The following MTHFD2L variants were observed in gnomAD, a reference collection of about 807,000 sequenced individuals.
MTHFD2L encodes the protein methylenetetrahydrofolate dehydrogenase (NADP+ dependent) 2 like.
A neutral mutation model predicts 34.9 loss-of-function variants in MTHFD2L; 29 were observed. The ratio of observed to expected loss-of-function variants is 0.83; its 90% CI spans 0.62 to 1.13. The LOEUF is 1.13. MTHFD2L is among the 50% of genes most tolerant of loss of function. MTHFD2L has a pLI of 0.00. For synonymous variants in MTHFD2L, 167 were observed against 155.7 expected, an observed-to-expected ratio of 1.07 and a Z score of -0.54; for missense variants, 481 against 446.5, an observed-to-expected ratio of 1.08 and a Z score of -0.70.
At chr4:74,182,672 G>C (rs780824922) in intron 3 of MTHFD2L, 1 of 152,070 alleles carries the variant, frequency 6.6e-6, no homozygotes, top group Non-Finnish European at 1.5e-5. Flanking sequence ...GACAATTTAA[G>C]TTCTCCAAAT....
intron 6 of MTHFD2L, among the ~76,000 whole-genome samples, chr4:74,243,560 CTT>C (rs796434455): frequency 4.7e-5 from 7 of 147,686 alleles, no homozygotes; most frequent in African/African-American, 9.9e-5. Context: ...TTTTAATAAA[CTT>C]TTTTTTTTTA....
At chr4:74,156,909 CTTT>C (rs1048469159), upstream of MTHFD2L, 9 of 150,952 alleles carry the variant, frequency 6.0e-5, no homozygotes, top group African/African-American at 2.2e-4. Context: ...TTTCTTTTTT[CTTT>C]AATTGTTGAG....
At position 74,193,657 on chromosome 4, in the gene MTHFD2L, C is replaced by A. The variant is rs188140884; in HGVS notation, c.452-6137C>A. Among the ~76,000 whole-genome samples the A allele has an allele frequency of 3.1e-3, 466 of 152,214 alleles. 1 individual carries two copies. The highest frequency in any genetic ancestry group is 5.0e-3 in the Non-Finnish European group (340 of 67,972). On this transcript the variant is annotated intron_variant, in intron 3 of 7. Coordinates refer to ENST00000325278, the MANE Select transcript of MTHFD2L (RefSeq NM_001144978.3). ...TTATTCTCAAATTTTAAACAATTTA[C>A]TCCTAAGCATTTTATGATTTGTCAG... is the stretch of plus-strand genomic sequence containing the variant.
chr4:74,216,146 G>C (rs993956219), intron 5 of MTHFD2L, among the ~76,000 whole-genome samples: 3 of 151,464 alleles, frequency 2.0e-5, no homozygotes, highest in Non-Finnish European at 4.4e-5. Flanking sequence ...GTTAACAAAA[G>C]GGCCACATTT....
At chr4:74,288,292 T>C (rs1359853496) in intron 7 of MTHFD2L, 2 of 152,158 alleles carry the variant, frequency 1.3e-5, no homozygotes, top group East Asian at 3.9e-4. Context: ...ATTTATGTTC[T>C]CTTCTAAGGA....
intron 7 of MTHFD2L, among the ~76,000 whole-genome samples, chr4:74,295,124 C>T (rs1749470099): frequency 1.3e-5 from 2 of 152,082 alleles, no homozygotes; most frequent in Admixed American, 6.6e-5. Context: ...ACCCTGAACA[C>T]AGTAACTACA....
At chr4:74,259,558 T>C (rs73824446) in intron 6 of MTHFD2L, among the ~76,000 whole-genome samples, 5,116 of 152,260 alleles carry the variant, frequency 0.034, 271 homozygotes, top group African/African-American at 0.11. Context: ...AAACAGGTAG[T>C]CTGCAAAAAC....
chr4:74,139,824 T>C (rs1233843869), intron 1 of MTHFD2L, among the ~76,000 whole-genome samples: 1 of 152,234 alleles, frequency 6.6e-6, no homozygotes, highest in African/African-American at 2.4e-5. Flanking sequence ...TCTTTTCATG[T>C]CTTTTTCATT....
chr4:74,280,642 TA>T (rs796397075), intron 6 of MTHFD2L, among the ~76,000 whole-genome samples: 3,295 of 144,938 alleles, frequency 0.023, 126 homozygotes, highest in African/African-American at 0.08. Flanking sequence ...TTTTTTTTTT[TA>T]AAAAACTGGA....
rs554360107 is a variant in MTHFD2L, at chr4:74,219,546, A to C, written c.713-5756A>C. ...AGTTGAAGACAATTAATGGACGATA[A>C]GAATTGAATATAGGAATGACAAGAA... On this transcript the variant is annotated intron_variant, in intron 5 of 7. Transcript: ENST00000325278. Among the ~76,000 whole-genome samples, 3 of 152,280 alleles carry C rather than the reference A, an allele frequency of 2.0e-5. No homozygotes were observed. In the South Asian group the frequency reaches 6.2e-4, roughly 32 times the overall value.
intron 1 of MTHFD2L, among the ~76,000 whole-genome samples, chr4:74,132,314 A>T (rs962053187): frequency 6.6e-6 from 1 of 152,164 alleles, no homozygotes; most frequent in African/African-American, 2.4e-5. Flanking sequence ...GCACTATAGC[A>T]ATAGCAAAGA....
intron 5 of MTHFD2L, among the ~76,000 whole-genome samples, chr4:74,214,282 A>G (rs1464127706): frequency 6.6e-6 from 1 of 151,784 alleles, no homozygotes; most frequent in Non-Finnish European, 1.5e-5. Context: ...TTTGGAGTAG[A>G]AGAGGCGTTC....
chr4:74,276,452 G>T (rs1400127063), intron 6 of MTHFD2L, among the ~76,000 whole-genome samples: 3 of 152,028 alleles, frequency 2.0e-5, no homozygotes, highest in Admixed American at 2.0e-4. Context: ...TGGTTCTATG[G>T]AATTATGATA....
rs116846201 is a variant in MTHFD2L, at chr4:74,166,318, C to A, written c.143+8037C>A. On this transcript the variant is annotated intron_variant, in intron 1 of 7. Transcript: ENST00000325278. ...TCCTAAGGAGTTTGCAGCTGCATAA[C>A]TCCAGTCTTTGCCTCTGTTGTTAAA... is the stretch of plus-strand genomic sequence containing the variant. 4.8e-4 allele frequency among the ~76,000 whole-genome samples: 73 copies of A among 152,320 alleles called. No individual in the cohort carries two copies. The East Asian group carries it at 0.012, about 26-fold the overall frequency.
intron 3 of MTHFD2L, among the ~76,000 whole-genome samples, chr4:74,190,060 T>A (rs556314384): frequency 6.6e-6 from 1 of 152,288 alleles, no homozygotes; most frequent in South Asian, 2.1e-4. Flanking sequence ...AGAAAGCAAT[T>A]TGAGAATAAA....
At chr4:74,290,697 T>C (rs1299138227) in intron 7 of MTHFD2L, among the ~76,000 whole-genome samples, 10 of 151,914 alleles carry the variant, frequency 6.6e-5, no homozygotes, top group Admixed American at 6.6e-4. Flanking sequence ...TTTCTCTCCA[T>C]TCCCACGAAA....
intron 1 of MTHFD2L, among the ~76,000 whole-genome samples, chr4:74,170,079 A>G (rs1727579106): frequency 6.6e-6 from 1 of 152,220 alleles, no homozygotes; most frequent in African/African-American, 2.4e-5. Flanking sequence ...CCAATTCTTT[A>G]CACACTCTTC....
chr4:74,115,657 C>T (rs766322818), intron 2 of MTHFD2L, among the ~76,000 whole-genome samples: 4 of 152,208 alleles, frequency 2.6e-5, no homozygotes, highest in Non-Finnish European at 5.9e-5. Flanking sequence ...CAGCAGTTTC[C>T]AAAGTTCCTC....
upstream of MTHFD2L, among the ~76,000 whole-genome samples, chr4:74,156,190 A>G (rs1314703296): frequency 6.6e-6 from 1 of 152,168 alleles, no homozygotes; most frequent in Non-Finnish European, 1.5e-5. Context: ...ATCATACAAA[A>G]TAGTTTCACT....
Sources: gnomAD v4.1 joint callset for allele counts (sites outside exome capture counted in the v4.1 genomes callset) on GRCh38, gnomAD v4.1.1 for gene constraint, MANE v1.5 for transcripts, NCBI Gene and HGNC (gene_info 2026-07-23, HGNC 2026-07-21) for gene names.